The following SOX6 variants were observed in gnomAD, a reference collection of about 807,000 sequenced individuals.
SOX6 encodes transcription factor SOX-6.
A neutral mutation model predicts 97.8 loss-of-function variants in SOX6; 11 were observed. The observed-to-expected ratio is 0.11, with a 90% CI of 0.07 to 0.19. SOX6 has a LOEUF of 0.19. Ranked by LOEUF, SOX6 falls within the 10% of genes least tolerant of loss-of-function variation. SOX6 has a pLI of 1.00. For synonymous variants in SOX6, 360 were observed against 371.4 expected, an observed-to-expected ratio of 0.97 and a Z score of 0.35; for missense variants, 810 against 1,039.5, an observed-to-expected ratio of 0.78 and a Z score of 3.04.
chr11:16,512,208 G>A (rs1449896120), intron 4 of SOX6, among the ~76,000 whole-genome samples: 1 of 152,070 alleles, frequency 6.6e-6, no homozygotes, highest in African/African-American at 2.4e-5. Flanking sequence ...GTGTATCAAG[G>A]CACCCCAAGA....
intron 4 of SOX6, among the ~76,000 whole-genome samples, chr11:16,523,652 T>C (rs1214706495): frequency 3.3e-5 from 5 of 151,474 alleles, no homozygotes; most frequent in Admixed American, 6.6e-5. Context: ...CTGAAGGAAA[T>C]AGAGACACAA....
intron 4 of SOX6, among the ~76,000 whole-genome samples, chr11:16,564,142 G>C (rs936241694): frequency 1.3e-5 from 2 of 152,190 alleles, no homozygotes; most frequent in Middle Eastern, 3.4e-3. Flanking sequence ...CAAAATAAAA[G>C]AAATGTTGAA....
At chr11:16,211,373 A>T (rs1215498436) in intron 4 of SOX6, among the ~76,000 whole-genome samples, 1 of 152,126 alleles carries the variant, frequency 6.6e-6, no homozygotes, top group Non-Finnish European at 1.5e-5. Context: ...AGGCTTTTAC[A>T]ATAATCCAAG....
At position 16,341,004 on chromosome 11, in the gene SOX6, A is replaced by G; in HGVS notation, c.237+8T>C. The G allele has an allele frequency of 1.2e-6, 2 of 1,613,262 alleles. No individual in the cohort carries two copies. The highest frequency in any genetic ancestry group is 1.7e-6 in the Non-Finnish European group (2 of 1,179,432). ...TTTAGTGGCAGTGGTCAGATTTTAAAGGCTCACCATTCTTTGCTGAGATGA... is the reference window on the plus strand; with the variant it reads ...TTTAGTGGCAGTGGTCAGATTTTAAGGGCTCACCATTCTTTGCTGAGATGA... On this transcript the variant is annotated splice_region_variant and intron_variant, in intron 2 of 15. Transcript: ENST00000683767.
chr11:15,982,653 TG>T (rs2119817363), intron 15 of SOX6, among the ~76,000 whole-genome samples: 1 of 152,168 alleles, frequency 6.6e-6, no homozygotes, highest in African/African-American at 2.4e-5. Context: ...TATGCTGAAT[TG>T]TTTAGGAAAT....
intron 14 of SOX6, among the ~76,000 whole-genome samples, chr11:15,987,721 G>GA (rs5789929): frequency 0.42 from 57,890 of 136,404 alleles, 12,093 homozygotes; most frequent in East Asian, 0.65. Context: ...CATTTAACTA[G>GA]AAAAAAAAAA....
intron 13 of SOX6, among the ~76,000 whole-genome samples, chr11:16,004,728 T>C (rs1042909256): frequency 2.6e-5 from 4 of 152,066 alleles, no homozygotes; most frequent in Non-Finnish European, 4.4e-5. Flanking sequence ...AGGAAAAAGC[T>C]AATCCAACAA....
intron 4 of SOX6, among the ~76,000 whole-genome samples, chr11:16,490,363 T>C (rs975527437): frequency 2.0e-5 from 3 of 152,028 alleles, no homozygotes; most frequent in Admixed American, 6.5e-5. Flanking sequence ...TATGACCCCC[T>C]AGGTATACTC....
intron 3 of SOX6, among the ~76,000 whole-genome samples, chr11:16,676,065 C>T (rs1339793955): frequency 6.9e-6 from 1 of 145,064 alleles, no homozygotes; most frequent in African/African-American, 2.4e-5. Context: ...CATAACAGTC[C>T]CACAGGTTTC....
chr11:16,058,553 T>C (rs1169542274), intron 9 of SOX6, among the ~76,000 whole-genome samples: 1 of 152,084 alleles, frequency 6.6e-6, no homozygotes, highest in Non-Finnish European at 1.5e-5. Context: ...TGCTTTTTCA[T>C]TGGGAAATCA....
intron 6 of SOX6, among the ~76,000 whole-genome samples, chr11:16,177,341 G>C (rs1851220146): frequency 6.6e-6 from 1 of 151,824 alleles, no homozygotes; most frequent in Non-Finnish European, 1.5e-5. Context: ...TCTTACTGTA[G>C]TACTCTTTCA....
intron 3 of SOX6, chr11:16,646,157 A>G (rs188872929): frequency 8.5e-5 from 13 of 152,314 alleles, no homozygotes; most frequent in Non-Finnish European, 1.2e-4. Flanking sequence ...GAGAAAAAGC[A>G]CAAGAGTTCA....
intron 13 of SOX6, among the ~76,000 whole-genome samples, chr11:15,999,714 A>G (rs971580937): frequency 6.6e-6 from 1 of 152,134 alleles, no homozygotes; most frequent in Non-Finnish European, 1.5e-5. Flanking sequence ...AGAGCAAAAA[A>G]CTATAATTGA....
chr11:16,120,739 T>A (rs1849469858), intron 6 of SOX6, among the ~76,000 whole-genome samples: 1 of 152,092 alleles, frequency 6.6e-6, no homozygotes. Context: ...AAAAGATTTA[T>A]CTTGTCACTA....
At chr11:16,460,403 A>T (rs34156428) in intron 1 of SOX6, among the ~76,000 whole-genome samples, 23,053 of 151,916 alleles carry the variant, frequency 0.15, 1,803 homozygotes, top group Non-Finnish European at 0.16. Context: ...TGTCCAGAAG[A>T]TCTCTGAGTT....
upstream of SOX6, among the ~76,000 whole-genome samples, chr11:16,478,456 C>T (rs186796274): frequency 6.6e-6 from 1 of 152,160 alleles, no homozygotes; most frequent in Non-Finnish European, 1.5e-5. Flanking sequence ...AGATTCCAGA[C>T]ATTTAGAACA....
chr11:16,491,391 G>A (rs1194589829), intron 4 of SOX6, among the ~76,000 whole-genome samples: 1 of 152,036 alleles, frequency 6.6e-6, no homozygotes, highest in Non-Finnish European at 1.5e-5. Context: ...CCCAGCAAGT[G>A]GACAGCTACA....
At chr11:16,125,814 CATAG>C (rs922832462) in intron 6 of SOX6, among the ~76,000 whole-genome samples, 1 of 71,168 alleles carries the variant, frequency 1.4e-5, no homozygotes, top group African/African-American at 5.2e-5. Flanking sequence ...TTAAAGAAAT[CATAG>C]GAAGGAAGGA....
chr11:16,222,554 G>C (rs1181439342), intron 4 of SOX6, among the ~76,000 whole-genome samples: 2 of 152,082 alleles, frequency 1.3e-5, no homozygotes, highest in African/African-American at 4.8e-5. Flanking sequence ...AAATGAATTA[G>C]TAAGTACTTT....
Sources: gnomAD v4.1 joint callset for allele counts (sites outside exome capture counted in the v4.1 genomes callset) on GRCh38, gnomAD v4.1.1 for gene constraint, MANE v1.5 for transcripts, NCBI Gene and HGNC (gene_info 2026-07-23, HGNC 2026-07-21) for gene names.